PLCH1: variants seen among roughly 807,000 people sequenced by gnomAD.
The protein encoded by PLCH1 is phospholipase C eta 1.
In PLCH1, 60 loss-of-function variants were observed where a neutral mutation model predicts 126.7. The observed-to-expected ratio is 0.47, with a 90% CI of 0.38 to 0.59. The LOEUF is 0.59. Among genes scored for constraint, PLCH1 ranks in the 20% least tolerant of loss-of-function variants. The pLI, the probability that PLCH1 is intolerant of heterozygous loss-of-function variation, is 0.00. For synonymous variants in PLCH1, 719 were observed against 734.9 expected (o/e 0.98, Z 0.35); for missense variants, 1,723 against 2,040.0 (o/e 0.84, Z 2.99).
At chr3:155,629,078 A>G (rs1310139706) in intron 2 of PLCH1, among the ~76,000 whole-genome samples, 1 of 152,194 alleles carries the variant, frequency 6.6e-6, no homozygotes. Context: ...CAGTTTCTTC[A>G]CATTTTAAGA....
At chr3:155,530,192 C>T (rs981329586) in intron 10 of PLCH1, among the ~76,000 whole-genome samples, 1 of 152,096 alleles carries the variant, frequency 6.6e-6, no homozygotes, top group Non-Finnish European at 1.5e-5. Context: ...GGAGTAAATG[C>T]TCTCAATCCT....
intron 2 of PLCH1, among the ~76,000 whole-genome samples, chr3:155,636,746 CA>C (rs113079414): frequency 0.027 from 3,733 of 139,714 alleles, 90 homozygotes; most frequent in Non-Finnish European, 0.041. Context: ...AACTCCATCT[CA>C]AAAAAAAAAA....
At chr3:155,516,141 G>A (rs567385217) in intron 11 of PLCH1, among the ~76,000 whole-genome samples, 62 of 152,228 alleles carry the variant, frequency 4.1e-4, no homozygotes, top group African/African-American at 1.3e-3. Flanking sequence ...GAGATGCAAG[G>A]ATGAAAAAAG....
intron 8 of PLCH1, among the ~76,000 whole-genome samples, chr3:155,560,547 G>A (rs557896493): frequency 1.3e-5 from 2 of 152,230 alleles, no homozygotes; most frequent in South Asian, 2.1e-4. Flanking sequence ...TCATCCTAAT[G>A]TTTCTGTATG....
intron 2 of PLCH1, among the ~76,000 whole-genome samples, chr3:155,663,905 G>A (rs144667680): frequency 1.1e-3 from 160 of 152,182 alleles, no homozygotes; most frequent in Non-Finnish European, 1.6e-3. Context: ...AACTATTATA[G>A]CAAAATTCAG....
At chr3:155,671,075 T>G (rs1743388147) in intron 2 of PLCH1, among the ~76,000 whole-genome samples, 1 of 152,182 alleles carries the variant, frequency 6.6e-6, no homozygotes, top group Admixed American at 6.5e-5. Context: ...TTACCACCTC[T>G]AACAAAGTAA....
At chr3:155,488,841 A>G in intron 19 of PLCH1, 35 bp from the exon 20 acceptor site, 2 of 1,585,780 alleles carry the variant, frequency 1.3e-6, no homozygotes, top group Non-Finnish European at 1.7e-6. Context: ...TCAGAAAAGC[A>G]AAGGACTTGG....
At chr3:155,661,672 GTC>G (rs911985746) in intron 2 of PLCH1, among the ~76,000 whole-genome samples, 1 of 152,096 alleles carries the variant, frequency 6.6e-6, no homozygotes, top group African/African-American at 2.4e-5. Flanking sequence ...GTCTGGCAGG[GTC>G]TCTCCCCCTT....
intron 2 of PLCH1, among the ~76,000 whole-genome samples, chr3:155,639,849 C>T (rs957083899): frequency 2.6e-5 from 4 of 152,076 alleles, no homozygotes; most frequent in Admixed American, 6.5e-5. Flanking sequence ...ATATCCCCCC[C>T]TGCTGTTCTC....
intron 1 of PLCH1, among the ~76,000 whole-genome samples, chr3:155,707,342 G>A (rs777897494): frequency 5.3e-5 from 8 of 152,202 alleles, no homozygotes; most frequent in Non-Finnish European, 4.4e-5. Flanking sequence ...ATACTGATGA[G>A]AAGAAATAAG....
At chr3:155,735,908 A>G (rs1749148253) in intron 1 of PLCH1, among the ~76,000 whole-genome samples, 2 of 152,200 alleles carry the variant, frequency 1.3e-5, no homozygotes, top group South Asian at 4.1e-4. Context: ...GGGAGGAAAA[A>G]CTGAATGGCT....
intron 8 of PLCH1, among the ~76,000 whole-genome samples, chr3:155,557,468 A>G (rs1362756776): frequency 6.6e-6 from 1 of 152,222 alleles, no homozygotes; most frequent in East Asian, 1.9e-4. Context: ...TAGTATTTAC[A>G]ACATAGGCAG....
chr3:155,656,436 T>C (rs1034866727), intron 2 of PLCH1, among the ~76,000 whole-genome samples: 2 of 152,078 alleles, frequency 1.3e-5, no homozygotes, highest in Non-Finnish European at 2.9e-5. Flanking sequence ...TAACAGCAAA[T>C]AAAATATTAT....
chr3:155,718,900 ATATG>A (rs1747727898), intron 1 of PLCH1, among the ~76,000 whole-genome samples: 1 of 152,130 alleles, frequency 6.6e-6, no homozygotes, highest in Non-Finnish European at 1.5e-5. Flanking sequence ...CACCAGAAAT[ATATG>A]TATTTATCAT....
chr3:155,611,137 C>T (rs1284050769), intron 2 of PLCH1, among the ~76,000 whole-genome samples: 1 of 152,190 alleles, frequency 6.6e-6, no homozygotes. Flanking sequence ...GCACGGCTCA[C>T]ACCTGTAATC....
intron 2 of PLCH1, among the ~76,000 whole-genome samples, chr3:155,605,275 C>T (rs1444226867): frequency 6.6e-6 from 1 of 152,118 alleles, no homozygotes; most frequent in African/African-American, 2.4e-5. Context: ...TGAGTTTTGT[C>T]TTAAAAGGTC....
Position 155,480,823 on chromosome 3 carries a change from G to A in PLCH1, c.*145C>T. On this transcript the variant is annotated 3_prime_UTR_variant, in exon 23 of 23. Coordinates refer to ENST00000460012, the MANE Select transcript of PLCH1 (RefSeq NM_014996.4). ...ATCTATATACAAACGCATTAACAGGGAGAACACATGAAGTCAAAGGGAGAC... is the reference window on the plus strand; with the variant it reads ...ATCTATATACAAACGCATTAACAGGAAGAACACATGAAGTCAAAGGGAGAC... The A allele has an allele frequency of 3.0e-6, 2 of 674,084 alleles. No individual in the cohort carries two copies. Among genetic ancestry groups the A allele is most frequent in the East Asian group, 5.1e-5 (2 of 39,554 alleles). 41.8% of individuals were successfully genotyped at this position (674,084 alleles called of 1,614,324 possible). A position where few individuals can be genotyped will look rare whatever the true frequency, so the allele number is the denominator to read the frequency against.
intron 2 of PLCH1, among the ~76,000 whole-genome samples, chr3:155,699,843 C>CACACACACACACACACACACAT (rs1746129984): frequency 1.3e-5 from 2 of 151,952 alleles, no homozygotes; most frequent in Non-Finnish European, 2.9e-5. Context: ...CACACACACA[C>CACACACACACACACACACACAT]ACACACCACT....
intron 21 of PLCH1, among the ~76,000 whole-genome samples, chr3:155,453,474 A>C (rs1348120322): frequency 6.6e-6 from 1 of 152,220 alleles, no homozygotes; most frequent in Non-Finnish European, 1.5e-5. Flanking sequence ...CTGTTTACCA[A>C]GTCTTCATTT....
Sources: gnomAD v4.1 joint callset for allele counts (sites outside exome capture counted in the v4.1 genomes callset) on GRCh38, gnomAD v4.1.1 for gene constraint, MANE v1.5 for transcripts, NCBI Gene and HGNC (gene_info 2026-07-23, HGNC 2026-07-21) for gene names.